Variants in SGCZ observed in about 807,000 individuals in gnomAD.
SGCZ encodes the protein sarcoglycan zeta.
SGCZ carries 40 observed loss-of-function variants against 41.3 expected under a neutral mutation model. That is an observed-to-expected ratio of 0.97 (90% CI 0.75 to 1.26). The LOEUF is 1.26. SGCZ is among the 50% of genes most tolerant of loss of function. SGCZ has a pLI of 0.00. For synonymous variants in SGCZ, 206 were observed against 137.5 expected, an observed-to-expected ratio of 1.50 and a Z score of -3.49; for missense variants, 552 against 369.8, an observed-to-expected ratio of 1.49 and a Z score of -4.04.
At chr8:14,671,146 A>G (rs1292418038) in intron 1 of SGCZ, among the ~76,000 whole-genome samples, 1 of 152,212 alleles carries the variant, frequency 6.6e-6, no homozygotes, top group Non-Finnish European at 1.5e-5. Flanking sequence ...TGTAGGACTG[A>G]GTCATCCATT....
In SGCZ at chr8:15,131,767, C is replaced by G. The variant is rs548690316; in HGVS notation, c.39+105818G>C. On this transcript the variant is annotated intron_variant, in intron 1 of 7. Coordinates refer to ENST00000382080, the MANE Select transcript of SGCZ (RefSeq NM_139167.4). ...ACCAAAGGCCAAACTCCTCCTTATC[C>G]CATGAAAACTAGCCATGAGGCTGGC... 1.4e-4 allele frequency among the ~76,000 whole-genome samples: 13 copies of G among 93,222 alleles called. No individual in the cohort carries two copies. In the East Asian group the frequency reaches 4.4e-3, roughly 32 times the overall value. The allele number at this position is 93,222 out of a possible 152,430, so 61.2% of individuals were successfully genotyped here. A position where few individuals can be genotyped will look rare whatever the true frequency, so the allele number is the denominator to read the frequency against.
intron 1 of SGCZ, among the ~76,000 whole-genome samples, chr8:14,846,200 G>A (rs1055597662): frequency 2.6e-5 from 4 of 152,056 alleles, no homozygotes; most frequent in African/African-American, 9.7e-5. Flanking sequence ...TTATGTTTAT[G>A]GAATGCTGTA....
At chr8:14,532,598 A>G (rs983741575) in intron 2 of SGCZ, among the ~76,000 whole-genome samples, 1 of 151,482 alleles carries the variant, frequency 6.6e-6, no homozygotes, top group Non-Finnish European at 1.5e-5. Context: ...GAAAATGATA[A>G]TAATGCAAAA....
At chr8:14,387,005 A>G (rs1239492299) in intron 2 of SGCZ, among the ~76,000 whole-genome samples, 1 of 152,212 alleles carries the variant, frequency 6.6e-6, no homozygotes, top group Non-Finnish European at 1.5e-5. Flanking sequence ...TTGCCAAAGT[A>G]AAGTACTTAC....
chr8:15,180,911 G>A (rs574524721), intron 1 of SGCZ, among the ~76,000 whole-genome samples: 1 of 151,260 alleles, frequency 6.6e-6, no homozygotes, highest in African/African-American at 2.4e-5. Flanking sequence ...GAGGGAAAAA[G>A]ACAGGATACC....
intron 1 of SGCZ, among the ~76,000 whole-genome samples, chr8:15,205,051 T>C (rs984290130): frequency 2.0e-5 from 3 of 152,138 alleles, no homozygotes; most frequent in Non-Finnish European, 4.4e-5. Context: ...CTAAAAAAAG[T>C]TCAAGTTAAC....
At chr8:14,394,143 C>G (rs1400614541) in intron 2 of SGCZ, among the ~76,000 whole-genome samples, 1 of 117,420 alleles carries the variant, frequency 8.5e-6, no homozygotes, top group Admixed American at 1.0e-4. Flanking sequence ...CGCCCCCCAC[C>G]TTTTTTTTTT....
chr8:14,733,331 A>G (rs1798927460), intron 1 of SGCZ, among the ~76,000 whole-genome samples: 1 of 152,090 alleles, frequency 6.6e-6, no homozygotes, highest in Non-Finnish European at 1.5e-5. Context: ...ACAATTGAGG[A>G]TCTATATTTC....
intron 1 of SGCZ, among the ~76,000 whole-genome samples, chr8:15,195,929 G>T (rs1223245401): frequency 1.0e-5 from 1 of 98,478 alleles, no homozygotes; most frequent in Non-Finnish European, 1.9e-5. Context: ...ACGGAGTCTC[G>T]CTCTGTCGCC....
chr8:14,647,612 T>A (rs1208622811), intron 1 of SGCZ, among the ~76,000 whole-genome samples: 1 of 152,076 alleles, frequency 6.6e-6, no homozygotes, highest in African/African-American at 2.4e-5. Flanking sequence ...GACATGTAAA[T>A]TATTAAATTA....
intron 1 of SGCZ, chr8:14,879,298 A>T (rs544677181): frequency 3.9e-5 from 6 of 152,320 alleles, no homozygotes; most frequent in African/African-American, 1.4e-4. Context: ...ACCTCACTCC[A>T]GCCTGGATGA....
At chr8:14,223,139 T>C (rs957501889) in intron 4 of SGCZ, among the ~76,000 whole-genome samples, 15 of 152,218 alleles carry the variant, frequency 9.9e-5, no homozygotes, top group South Asian at 2.1e-4. Context: ...GACATCTTCA[T>C]CTTACATCGA....
At chr8:14,514,420 C>T (rs1028716074) in intron 2 of SGCZ, among the ~76,000 whole-genome samples, 1 of 151,832 alleles carries the variant, frequency 6.6e-6, no homozygotes, top group African/African-American at 2.4e-5. Context: ...AACGACATCT[C>T]TTATAACTTA....
At chr8:14,311,319 T>G (rs773931996) in intron 3 of SGCZ, among the ~76,000 whole-genome samples, 1 of 152,122 alleles carries the variant, frequency 6.6e-6, no homozygotes, top group Admixed American at 6.6e-5. Context: ...AGCACCACCA[T>G]AGTTCCACAG....
chr8:15,220,859 T>C (rs1158055544), intron 1 of SGCZ, among the ~76,000 whole-genome samples: 2 of 152,152 alleles, frequency 1.3e-5, no homozygotes, highest in Non-Finnish European at 2.9e-5. Context: ...TCATGTCCTC[T>C]GCAGGGACAT....
chr8:14,699,517 G>T (rs1341600046), intron 1 of SGCZ, among the ~76,000 whole-genome samples: 1 of 151,682 alleles, frequency 6.6e-6, no homozygotes, highest in Non-Finnish European at 1.5e-5. Flanking sequence ...AAAAACTATA[G>T]AAGAAATTCT....
intron 1 of SGCZ, among the ~76,000 whole-genome samples, chr8:14,691,808 A>C (rs925821605): frequency 3.9e-5 from 6 of 152,034 alleles, no homozygotes; most frequent in Non-Finnish European, 7.4e-5. Context: ...TTGCCGTAAT[A>C]AAAAATCAAA....
chr8:14,761,724 C>T (rs950022466), intron 1 of SGCZ, among the ~76,000 whole-genome samples: 1 of 151,802 alleles, frequency 6.6e-6, no homozygotes, highest in Non-Finnish European at 1.5e-5. Context: ...CAGAGTTTCA[C>T]CATGTTGGCC....
intron 1 of SGCZ, among the ~76,000 whole-genome samples, chr8:14,581,875 G>A (rs550836994): frequency 2.4e-4 from 37 of 152,254 alleles, no homozygotes; most frequent in African/African-American, 8.7e-4. Flanking sequence ...TAGAACAACA[G>A]GGGTTTCAAT....
Sources: gnomAD v4.1 joint callset for allele counts (sites outside exome capture counted in the v4.1 genomes callset) on GRCh38, gnomAD v4.1.1 for gene constraint, MANE v1.5 for transcripts, NCBI Gene and HGNC (gene_info 2026-07-23, HGNC 2026-07-21) for gene names.